SNX18: variants seen among roughly 807,000 people sequenced by gnomAD.
SNX18 encodes the protein sorting nexin 18.
A neutral mutation model predicts 48.7 loss-of-function variants in SNX18; 35 were observed. The ratio of observed to expected loss-of-function variants is 0.72; its 90% confidence interval spans 0.55 to 0.95. SNX18 has a LOEUF of 0.95. Among genes scored for constraint, SNX18 ranks in the 40% least tolerant of loss-of-function variants. SNX18 has a pLI of 0.00. For synonymous variants in SNX18, 492 were observed against 384.7 expected (o/e 1.28, Z -3.26); for missense variants, 824 against 871.0 (o/e 0.95, Z 0.68).
the SNX18 span, among the ~76,000 whole-genome samples, chr5:54,633,941 G>C: frequency 6.6e-6 from 1 of 152,166 alleles, no homozygotes; most frequent in Admixed American, 6.5e-5. Flanking sequence ...AGAAACACAC[G>C]AAGTATTATG....
At chr5:54,551,462 A>T (rs545546229), downstream of SNX18, among the ~76,000 whole-genome samples, 71 of 152,300 alleles carry the variant, frequency 4.7e-4, no homozygotes, top group African/African-American at 1.6e-3. Flanking sequence ...CACTTTTGTG[A>T]TGGCATTTTG....
chr5:54,626,299 C>G, the SNX18 span, among the ~76,000 whole-genome samples: 1 of 152,014 alleles, frequency 6.6e-6, no homozygotes, highest in South Asian at 2.1e-4. Flanking sequence ...CACTCTGTAC[C>G]CTAAATATGA....
At chr5:54,540,154 C>T (rs1198667397) in intron 1 of SNX18, among the ~76,000 whole-genome samples, 1 of 152,054 alleles carries the variant, frequency 6.6e-6, no homozygotes, top group South Asian at 2.1e-4. Flanking sequence ...ATTGCTGTAT[C>T]TGAGACTTTG....
the SNX18 span, among the ~76,000 whole-genome samples, chr5:54,617,002 A>G: frequency 1.3e-5 from 2 of 152,192 alleles, no homozygotes; most frequent in Admixed American, 6.5e-5. Context: ...TGAGTCACAG[A>G]CTTAACTTTC....
chr5:54,597,471 C>G, the SNX18 span, among the ~76,000 whole-genome samples: 1 of 152,166 alleles, frequency 6.6e-6, no homozygotes, highest in Non-Finnish European at 1.5e-5. Flanking sequence ...GACACTTACT[C>G]CAAAACTGAT....
chr5:54,625,542 A>G, the SNX18 span, among the ~76,000 whole-genome samples: 1 of 152,090 alleles, frequency 6.6e-6, no homozygotes. Flanking sequence ...GGAAAGAGAG[A>G]CAGGGTGGGC....
At chr5:54,556,727 A>G in the SNX18 span, among the ~76,000 whole-genome samples, 1 of 152,162 alleles carries the variant, frequency 6.6e-6, no homozygotes, top group African/African-American at 2.4e-5. Context: ...TTGCATGCTT[A>G]TCTGTGTAGG....
chr5:54,618,526 G>A, the SNX18 span, among the ~76,000 whole-genome samples: 1 of 152,176 alleles, frequency 6.6e-6, no homozygotes, highest in East Asian at 1.9e-4. Flanking sequence ...CTGTCTCCTT[G>A]GCTACAAAAA....
At chr5:54,635,371 A>G in the SNX18 span, among the ~76,000 whole-genome samples, 5 of 152,180 alleles carry the variant, frequency 3.3e-5, no homozygotes, top group Middle Eastern at 3.2e-3. Context: ...TCTTACAGAC[A>G]ATAAAAACCA....
At chr5:54,567,347 G>T in the SNX18 span, among the ~76,000 whole-genome samples, 1 of 151,924 alleles carries the variant, frequency 6.6e-6, no homozygotes, top group Non-Finnish European at 1.5e-5. Context: ...GGAAAGGTTG[G>T]TGAGAGGTGG....
chr5:54,565,528 G>A, the SNX18 span, among the ~76,000 whole-genome samples: 1 of 151,968 alleles, frequency 6.6e-6, no homozygotes, highest in South Asian at 2.1e-4. Context: ...AGCCATGATT[G>A]TACCACTGCA....
the SNX18 span, among the ~76,000 whole-genome samples, chr5:54,647,356 A>G: frequency 6.6e-6 from 1 of 152,246 alleles, no homozygotes; most frequent in East Asian, 1.9e-4. Flanking sequence ...TGCTGGAATT[A>G]TAGGCATGAA....
At chr5:54,591,341 G>A in the SNX18 span, among the ~76,000 whole-genome samples, 3,435 of 152,120 alleles carry the variant, frequency 0.023, 132 homozygotes, top group African/African-American at 0.079. Context: ...TACATCTCCT[G>A]GCTAATTTTT....
chr5:54,535,115 C>G (rs1039121182), intron 1 of SNX18, among the ~76,000 whole-genome samples: 1 of 152,040 alleles, frequency 6.6e-6, no homozygotes, highest in Non-Finnish European at 1.5e-5. Context: ...ATATTCATTG[C>G]AAACATGAGT....
chr5:54,621,721 A>G, the SNX18 span, among the ~76,000 whole-genome samples: 11 of 152,352 alleles, frequency 7.2e-5, no homozygotes, highest in Admixed American at 2.6e-4. Flanking sequence ...AGGGTTAAAG[A>G]TAGACCCCTC....
chr5:54,543,188 C>T lies in SNX18; in HGVS notation c.1631C>T (p.Thr544Ile). 1.2e-6 allele frequency: 2 copies of T among 1,613,010 alleles called. No individual in the cohort carries two copies. The highest frequency in any genetic ancestry group is 2.2e-5 in the South Asian group (2 of 90,806). The change falls in exon 2 of 2, where the codon ACC becomes ATC. Residue 544 changes from threonine to isoleucine, a missense_variant. By Grantham distance (89) the Thr-to-Ile change is moderately conservative (BLOSUM62 -1). This residue lies in a region of SNX18 where 443 missense variants were observed against 503.6 expected (regional missense o/e 0.88). Transcript: ENST00000381410. ...DIIHVQKGAL[T>I]KVKESRRHVE... ...TTATTTTTAACTACAGGAGCTCTTA[C>T]CAAAGTCAAGGAGAGTAGGCGACAC...
At chr5:54,612,284 A>C in the SNX18 span, among the ~76,000 whole-genome samples, 5 of 147,716 alleles carry the variant, frequency 3.4e-5, no homozygotes, top group South Asian at 2.1e-4. Flanking sequence ...TTTGAGATGG[A>C]GTCTCACTTT....
At chr5:54,538,486 C>A (rs1188284394) in intron 1 of SNX18, among the ~76,000 whole-genome samples, 1 of 152,090 alleles carries the variant, frequency 6.6e-6, no homozygotes, top group Admixed American at 6.6e-5. Context: ...AATTGACTTC[C>A]ATAATTAGCT....
the SNX18 span, among the ~76,000 whole-genome samples, chr5:54,565,675 C>T: frequency 6.6e-6 from 1 of 151,968 alleles, no homozygotes; most frequent in East Asian, 1.9e-4. Flanking sequence ...GTAAATAAAA[C>T]TTTATGTACC....
Sources: allele counts gnomAD v4.1 joint callset (sites outside exome capture counted in the v4.1 genomes callset), GRCh38; gene constraint gnomAD v4.1.1; regional missense constraint gnomAD v4.1.1; transcripts MANE v1.5; gene names NCBI Gene and HGNC (gene_info 2026-07-23, HGNC 2026-07-21).